SYT3: variants seen among roughly 807,000 people sequenced by gnomAD.
SYT3 encodes synaptotagmin-3.
SYT3 carries 25 observed loss-of-function variants against 50.6 expected under a neutral mutation model. That is an observed-to-expected ratio of 0.49 (90% confidence interval 0.36 to 0.69). The LOEUF (loss-of-function observed/expected upper bound fraction) is 0.69. Among genes scored for constraint, SYT3 ranks in the 30% least tolerant of loss-of-function variants. The probability of loss-of-function intolerance (pLI) is 0.00; values close to 1 mark genes in which losing one functional copy is unlikely to be tolerated. For missense variants in SYT3, 589 were observed against 793.6 expected (o/e 0.74, Z 3.10); for synonymous variants, 323 against 353.9 (o/e 0.91, Z 0.98).
intron 3 of SYT3, among the ~76,000 whole-genome samples, chr19:50,634,116 T>A (rs1341625422): frequency 6.6e-6 from 1 of 152,268 alleles, no homozygotes; most frequent in African/African-American, 2.4e-5. Flanking sequence ...GAATTGTTCT[T>A]ACAATCAAAG....
At chr19:50,631,064 C>T (rs957050732) in intron 4 of SYT3, among the ~76,000 whole-genome samples, 1 of 152,178 alleles carries the variant, frequency 6.6e-6, no homozygotes, top group Non-Finnish European at 1.5e-5. Context: ...CCTCAGTGCC[C>T]TCAGGACAAA....
At chr19:50,623,681 AG>A (rs1983936193) in intron 9 of SYT3, among the ~76,000 whole-genome samples, 2 of 147,264 alleles carry the variant, frequency 1.4e-5, no homozygotes. Flanking sequence ...ACACGCCTGT[AG>A]TCCCAGCTAC....
In SYT3 at chr19:50,625,093, C is replaced by T. The variant is rs777507455; in HGVS notation, c.1707+69G>A. On this transcript the variant is annotated intron_variant, in intron 9 of 10. Transcript: ENST00000600079. The surrounding 1 kb of genome is among the most constrained non-coding windows in gnomAD (Gnocchi z 7.5). ...GCGACTCACGAACATGCAGGGCGTT[C>T]GTTGCATGGATGAAGGGGCCGAGGG... The T allele has an allele frequency of 2.0e-5, 28 of 1,424,590 alleles. No individual in the cohort carries two copies. The highest frequency in any genetic ancestry group is 1.6e-4 in the African/African-American group (11 of 69,406). The allele number at this position is 1,424,590 out of a possible 1,614,324, so 88.2% of individuals were successfully genotyped here.
At position 50,637,140 on chromosome 19, in the gene SYT3, A is replaced by C. The variant is rs1984519688; in HGVS notation, c.148+124T>G. ...ATTTGGGAGAAGGGCAGCAGCAGGC[A>C]GAATGGGGGCAAGACGCTACGAGGG... On this transcript the variant is annotated intron_variant, in intron 3 of 10. Coordinates refer to ENST00000600079, the MANE Select transcript of SYT3 (RefSeq NM_001160329.2). This position sits in a 1 kb window ranked among gnomAD's most constrained non-coding sequence, Gnocchi z 4.9. 8.3e-7 allele frequency: 1 copy of C among 1,201,936 alleles called. No homozygotes were observed. 74.5% of individuals were successfully genotyped at this position (1,201,936 alleles called of 1,614,324 possible). A position where few individuals can be genotyped will look rare whatever the true frequency, so the allele number is the denominator to read the frequency against.
chr19:50,644,934 T>C, the SYT3 span, among the ~76,000 whole-genome samples: 258 of 152,012 alleles, frequency 1.7e-3, 1 homozygote, highest in African/African-American at 5.8e-3. Flanking sequence ...GTTGGAGAAA[T>C]AGATGAAGGG....
upstream of SYT3, among the ~76,000 whole-genome samples, chr19:50,641,309 A>T (rs1273489273): frequency 6.7e-6 from 1 of 148,778 alleles, no homozygotes; most frequent in Non-Finnish European, 1.5e-5. Context: ...CCTCCTGAGT[A>T]GCTGGGACTA....
At chr19:50,640,800 G>T (rs1289183393), upstream of SYT3, among the ~76,000 whole-genome samples, 1 of 152,214 alleles carries the variant, frequency 6.6e-6, no homozygotes, top group East Asian at 1.9e-4. Flanking sequence ...ATTCAAAGCT[G>T]TCCTGTGCTG....
At chr19:50,649,474 C>G in the SYT3 span, 1 of 1,536,270 alleles carries the variant, frequency 6.5e-7, no homozygotes, top group Non-Finnish European at 8.7e-7. Flanking sequence ...CCGTGTGCTT[C>G]CCTGCCATGG....
Position 50,637,424 on chromosome 19 carries a change from G to C in SYT3, c.-13C>G. The C allele has an allele frequency of 6.3e-7, 1 of 1,589,258 alleles. No homozygotes were observed. The highest frequency in any genetic ancestry group is 8.6e-7 in the Non-Finnish European group (1 of 1,165,588). ...AGTCTCCTGACATGGTGGCCGTCTG[G>C]TCCTGTGTGTGGGAGGGATGGGGCA... is the stretch of plus-strand genomic sequence containing the variant. On this transcript the variant is annotated splice_region_variant and 5_prime_UTR_variant, in exon 3 of 11. Coordinates refer to ENST00000600079, the MANE Select transcript of SYT3 (RefSeq NM_001160329.2). The surrounding 1 kb of genome is among the most constrained non-coding windows in gnomAD (Gnocchi z 4.9).
At chr19:50,649,425 C>A in the SYT3 span, 1 of 1,536,104 alleles carries the variant, frequency 6.5e-7, no homozygotes, top group Non-Finnish European at 8.7e-7. Context: ...CCTGAGACAT[C>A]CCTCACCCAC....
rs771207332 is a variant in SYT3, at chr19:50,625,491, GTTC to G, written c.1473_1475del (p.Lys491del). 1.2e-6 allele frequency: 2 copies of G among 1,609,516 alleles called. No individual in the cohort carries two copies. Among genetic ancestry groups the G allele is most frequent in the Non-Finnish European group, 1.7e-6 (2 of 1,178,362 alleles). On this transcript the variant is annotated inframe_deletion, in exon 8 of 11. Coordinates refer to ENST00000600079, the MANE Select transcript of SYT3 (RefSeq NM_001160329.2). This position sits in a 1 kb window ranked among gnomAD's most constrained non-coding sequence, Gnocchi z 7.5. ...CCTCATTATAGGTGGGGTTCAGCGT[GTTC>G]TTCTTGATGGAGGTTTTCCGCTTCT...
At chr19:50,657,292 T>C in the SYT3 span, among the ~76,000 whole-genome samples, 1 of 152,214 alleles carries the variant, frequency 6.6e-6, no homozygotes, top group Admixed American at 6.5e-5. Flanking sequence ...CACTTCTTTG[T>C]GGCTTTGAGC....
chr19:50,633,513 T>C (rs1984392555), intron 3 of SYT3, among the ~76,000 whole-genome samples: 1 of 152,142 alleles, frequency 6.6e-6, no homozygotes, highest in South Asian at 2.1e-4. Flanking sequence ...CAAGGAAGCA[T>C]GGACCCTGCA....
rs1383115817 is a variant in SYT3, at chr19:50,630,142, T to C, written c.704A>G (p.Gln235Arg). ...RYPALPRPLT[Q>R]QTLTSQPDPS... ...GTCCGGCTGGGAGGTCAGAGTCTGC[T>C]GGGTGAGGGGTCGGGGCAGGGCTGG... Residue 235 changes from glutamine to arginine, a missense_variant, in exon 5 of 11, where the codon CAG (glutamine) becomes CGG (arginine). Around this residue, in one of 2 missense-constraint regions of SYT3, gnomAD observed 316 missense variants for 354.3 expected, o/e 0.89. Coordinates refer to ENST00000600079, the MANE Select transcript of SYT3 (RefSeq NM_001160329.2). 11 of 1,528,504 alleles carry C rather than the reference T, an allele frequency of 7.2e-6. No individual in the cohort carries two copies. Among genetic ancestry groups the C allele is most frequent in the South Asian group, 1.2e-5 (1 of 85,160 alleles). The allele number at this position is 1,528,504 out of a possible 1,614,324, so 94.7% of individuals were successfully genotyped here.
At chr19:50,627,401 T>C (rs1984113250) in intron 6 of SYT3, among the ~76,000 whole-genome samples, 1 of 152,032 alleles carries the variant, frequency 6.6e-6, no homozygotes, top group Admixed American at 6.6e-5. Context: ...CCCCAGGCCC[T>C]GCTCCTGAAA....
the SYT3 span, among the ~76,000 whole-genome samples, chr19:50,657,322 C>T: frequency 3.3e-5 from 5 of 152,336 alleles, no homozygotes; most frequent in South Asian, 1.0e-3. Flanking sequence ...TCCAGCCTCC[C>T]CTCTCACCCC....
chr19:50,634,160 T>C (rs75976963), intron 3 of SYT3, among the ~76,000 whole-genome samples: 168 of 152,126 alleles, frequency 1.1e-3, no homozygotes, highest in African/African-American at 3.8e-3. Context: ...GTACCAGGAG[T>C]GGGGTTTTTC....
At chr19:50,623,737 A>C (rs909932939) in intron 9 of SYT3, among the ~76,000 whole-genome samples, 1 of 148,606 alleles carries the variant, frequency 6.7e-6, no homozygotes, top group Admixed American at 6.8e-5. Context: ...AGGGAGGGGG[A>C]GGTTGCAGTG....
At chr19:50,652,158 T>G in the SYT3 span, among the ~76,000 whole-genome samples, 269 of 152,284 alleles carry the variant, frequency 1.8e-3, 1 homozygote, top group African/African-American at 6.3e-3. Context: ...CTATAATTAT[T>G]TTTGAATATC....
Sources: gnomAD v4.1 joint callset for allele counts (sites outside exome capture counted in the v4.1 genomes callset) on GRCh38, gnomAD v4.1.1 for gene constraint, gnomAD v4.1.1 regional missense constraint, Gnocchi (gnomAD v3.1) non-coding constraint, MANE v1.5 for transcripts, NCBI Gene and HGNC (gene_info 2026-07-23, HGNC 2026-07-21) for gene names.